The following CSRNP2 variants were observed in gnomAD, a reference collection of about 807,000 sequenced individuals.
CSRNP2 encodes the protein cysteine and serine rich nuclear protein 2, also known as cysteine/serine-rich nuclear protein 2.
A neutral mutation model predicts 36.6 loss-of-function variants in CSRNP2; 11 were observed. The observed-to-expected ratio is 0.30, with a 90% CI of 0.19 to 0.50. The LOEUF is 0.50. CSRNP2 is among the 20% of genes least tolerant of loss of function. CSRNP2 has a pLI of 0.98. For missense variants in CSRNP2, 483 were observed against 691.4 expected, an observed-to-expected ratio of 0.70 and a Z score of 3.38; for synonymous variants, 248 against 275.3, an observed-to-expected ratio of 0.90 and a Z score of 0.98.
chr12:51,081,062 C>A (rs1373164356), intron 1 of CSRNP2, among the ~76,000 whole-genome samples: 1 of 152,062 alleles, frequency 6.6e-6, no homozygotes, highest in Non-Finnish European at 1.5e-5. Flanking sequence ...CCAAGGCGGG[C>A]AGATCACTTG....
Position 51,061,336 on chromosome 12 carries a change from T to C in CSRNP2, c.*2410A>G, listed in dbSNP as rs191151666. 3.9e-5 allele frequency: 6 copies of C among 152,714 alleles called. No individual in the cohort carries two copies. The East Asian group carries it at 9.6e-4, about 25-fold the overall frequency. 9.5% of individuals were successfully genotyped at this position (152,714 alleles called of 1,614,324 possible). A position where few individuals can be genotyped will look rare whatever the true frequency, so the allele number is the denominator to read the frequency against. On this transcript the variant is annotated 3_prime_UTR_variant, in exon 5 of 5. Transcript: ENST00000228515. The stretch of plus-strand genomic sequence containing the variant: ...ACAAGCTTTGGATTCACATTGAAAA[T>C]ACTACCTGTGTACAGTATGTGAGAA...
rs775932315 is a variant in CSRNP2, at chr12:51,067,627, G to T, written c.708+46C>A. On this transcript the variant is annotated intron_variant, in intron 4 of 4. Transcript: ENST00000228515. This position sits in a 1 kb window ranked among gnomAD's most constrained non-coding sequence, Gnocchi z 4.1. ...TTCAGTGGCACCCACACCTCACCCC[G>T]CTGACCCTGGTGTAGATATACTATC... The T allele has an allele frequency of 1.3e-6, 2 of 1,573,240 alleles. No individual in the cohort carries two copies. The highest frequency in any genetic ancestry group is 1.2e-5 in the South Asian group (1 of 85,288).
intron 2 of CSRNP2, among the ~76,000 whole-genome samples, chr12:51,075,559 C>T (rs907863445): frequency 6.6e-6 from 1 of 152,212 alleles, no homozygotes; most frequent in East Asian, 1.9e-4. Context: ...AAGAGCCAGA[C>T]AGTAACTATT....
In CSRNP2 at chr12:51,063,800, C is replaced by T; in HGVS notation, c.1578G>A (p.Gln526=). ...EGCGMVKTSQ[Q]NEDRPPEDSS... ...AATCTTCAGGGGGCCGATCCTCATT[C>T]TGCTGGGAGGTCTTCACCATCCCAC... Residue 526 remains glutamine, a synonymous_variant, in exon 5 of 5, where the codon CAG becomes CAA. Transcript: ENST00000228515. 1 of 1,601,608 alleles carries T rather than the reference C, an allele frequency of 6.2e-7. No homozygotes were observed. Among genetic ancestry groups the T allele is most frequent in the Non-Finnish European group, 8.5e-7 (1 of 1,173,628 alleles).
At chr12:51,077,288 C>T (rs1015485600) in intron 1 of CSRNP2, among the ~76,000 whole-genome samples, 11 of 152,116 alleles carry the variant, frequency 7.2e-5, no homozygotes, top group Non-Finnish European at 1.3e-4. Flanking sequence ...CCCGGCATTT[C>T]CCAAAGTGCG....
intron 1 of CSRNP2, among the ~76,000 whole-genome samples, chr12:51,078,944 T>C (rs1380260404): frequency 6.6e-6 from 1 of 152,204 alleles, no homozygotes; most frequent in Non-Finnish European, 1.5e-5. Context: ...TGAGGCACTA[T>C]TCACAATAGC....
In CSRNP2 at chr12:51,067,905, T is replaced by C; in HGVS notation, c.476A>G (p.Asp159Gly). ...CACATTTTCCACATCAATATCTTCA[T>C]CTGACACATCATCCAGCGTCAGGCC... is the stretch of plus-strand genomic sequence containing the variant. Reference protein sequence around the residue: ...ADGLTLDDVSDEDIDVENVEV... With the variant: ...ADGLTLDDVSGEDIDVENVEV... Residue 159 changes from aspartate to glycine, a missense_variant, in exon 4 of 5, where the codon GAT (aspartate) becomes GGT (glycine). This residue lies in a region of CSRNP2 where 206 missense variants were observed against 367.8 expected (regional missense o/e 0.56). Transcript: ENST00000228515. This position sits in a 1 kb window ranked among gnomAD's most constrained non-coding sequence, Gnocchi z 4.1. 1 of 1,614,140 alleles carries C rather than the reference T, an allele frequency of 6.2e-7. No homozygotes were observed. The highest frequency in any genetic ancestry group is 2.2e-5 in the East Asian group (1 of 44,876).
chr12:51,064,705 C>G, intron 4 of CSRNP2, 36 bp from the exon 5 acceptor site: 1 of 1,477,892 alleles, frequency 6.8e-7, no homozygotes, highest in Non-Finnish European at 9.0e-7. Flanking sequence ...CAAGATGAGA[C>G]CTACAATCCT....
chr12:51,079,228 TGGG>T (rs1335359049), intron 1 of CSRNP2, among the ~76,000 whole-genome samples: 1 of 149,798 alleles, frequency 6.7e-6, no homozygotes, highest in African/African-American at 2.5e-5. Context: ...TGTCGTGGGG[TGGG>T]GGAAGCGGGG....
intron 4 of CSRNP2, 133 bp from the exon 5 acceptor site, chr12:51,064,802 C>A: frequency 1.6e-6 from 1 of 636,948 alleles, no homozygotes; most frequent in Non-Finnish European, 2.5e-6. Flanking sequence ...CAATTCAAAG[C>A]ATAGCATGCA....
chr12:51,066,281 C>T (rs1052365132), intron 4 of CSRNP2, among the ~76,000 whole-genome samples: 1 of 151,670 alleles, frequency 6.6e-6, no homozygotes, highest in South Asian at 2.1e-4. Context: ...GGTGAAACGC[C>T]GTCTCTACTA....
chr12:51,073,707 C>T lies in CSRNP2; in HGVS notation c.411+116G>A, dbSNP rs1939280234. 4 of 1,153,444 alleles carry T rather than the reference C, an allele frequency of 3.5e-6. No individual in the cohort carries two copies. The Admixed American group carries it at 7.5e-5, about 22-fold the overall frequency. 71.5% of individuals were successfully genotyped at this position (1,153,444 alleles called of 1,614,324 possible). A position where few individuals can be genotyped will look rare whatever the true frequency, so the allele number is the denominator to read the frequency against. Reference sequence around the variant, plus strand: ...TGCCAGTGCACTCCAGCCCGGGCGACAGAGCAAGACTCTGTCCCAGAAAAA... The same window carrying T: ...TGCCAGTGCACTCCAGCCCGGGCGATAGAGCAAGACTCTGTCCCAGAAAAA... On this transcript the variant is annotated intron_variant, in intron 3 of 4. Coordinates refer to ENST00000228515, the MANE Select transcript of CSRNP2 (RefSeq NM_030809.3).
Position 51,064,469 on chromosome 12 carries a change from T to C in CSRNP2, c.909A>G (p.Thr303=), listed in dbSNP as rs1347022533. 5 of 1,609,490 alleles carry C rather than the reference T, an allele frequency of 3.1e-6. No individual in the cohort carries two copies. The highest frequency in any genetic ancestry group is 4.2e-6 in the Non-Finnish European group (5 of 1,177,400). ...EPSPTASCSL[T]GAQGSETQDF... ...CCTGGGTCTCAGAGCCCTGTGCTCC[T>C]GTCAGGCTGCAACTGGCAGTCGGGG... The change falls in exon 5 of 5, where the codon ACA becomes ACG. Residue 303 remains threonine (T), a synonymous_variant. Coordinates refer to ENST00000228515, the MANE Select transcript of CSRNP2 (RefSeq NM_030809.3).
Position 51,064,164 on chromosome 12 carries a change from G to A in CSRNP2, c.1214C>T (p.Thr405Met), listed in dbSNP as rs745442348. Residue 405 changes from threonine (T) to methionine (M), a missense_variant, in exon 5 of 5, where the codon ACG (threonine) becomes ATG (methionine). Physicochemically the swap from Thr to Met is moderately conservative, Grantham distance 81. This residue lies in a region of CSRNP2 where 277 missense variants were observed against 323.6 expected (regional missense o/e 0.86). Transcript: ENST00000228515. ...TENSDHPTAS[T>M]VNSPSYLNSG... is the part of the protein sequence containing the mutation. ...GTTCAAGTAGGATGGGCTGTTCACC[G>A]TTGAGGCAGTTGGGTGGTCTGAGTT... 56 of 1,614,054 alleles carry A rather than the reference G, an allele frequency of 3.5e-5. No individual in the cohort carries two copies. The highest frequency in any genetic ancestry group is 1.3e-4 in the East Asian group (6 of 44,888).
chr12:51,071,907 A>T (rs895210541), intron 3 of CSRNP2, among the ~76,000 whole-genome samples: 2 of 152,196 alleles, frequency 1.3e-5, no homozygotes, highest in Non-Finnish European at 2.9e-5. Flanking sequence ...GGAATTCCTC[A>T]GACAGAGGAA....
intron 1 of CSRNP2, chr12:51,082,933 C>G (rs1939697959): frequency 6.5e-6 from 1 of 152,812 alleles, no homozygotes; most frequent in South Asian, 2.1e-4. Context: ...GCATCCCTTC[C>G]TGCCTGCTAC....
intron 3 of CSRNP2, among the ~76,000 whole-genome samples, chr12:51,072,507 G>A (rs1939208360): frequency 6.9e-6 from 1 of 145,004 alleles, no homozygotes; most frequent in South Asian, 2.3e-4. Flanking sequence ...AGCTTGCAGT[G>A]AGCCGAGATC....
intron 1 of CSRNP2, among the ~76,000 whole-genome samples, chr12:51,080,686 T>C (rs1939604100): frequency 6.6e-6 from 1 of 152,210 alleles, no homozygotes; most frequent in Non-Finnish European, 1.5e-5. Context: ...GACTCCTCTC[T>C]TCACCCTACC....
intron 1 of CSRNP2, among the ~76,000 whole-genome samples, chr12:51,078,507 G>T (rs1365375646): frequency 6.6e-6 from 1 of 152,178 alleles, no homozygotes; most frequent in Non-Finnish European, 1.5e-5. Flanking sequence ...CACATTCTTA[G>T]GGCATGGTAA....
Sources: gnomAD v4.1 joint callset for allele counts (sites outside exome capture counted in the v4.1 genomes callset) on GRCh38, gnomAD v4.1.1 for gene constraint, gnomAD v4.1.1 regional missense constraint, Gnocchi (gnomAD v3.1) non-coding constraint, MANE v1.5 for transcripts, NCBI Gene and HGNC (gene_info 2026-07-23, HGNC 2026-07-21) for gene names.